Variants in HEPHL1 observed in about 807,000 individuals in gnomAD.
HEPHL1 encodes the protein hephaestin like 1.
Under a neutral mutation model 122.0 loss-of-function variants are expected in HEPHL1, and 123 were observed. The observed-to-expected ratio is 1.01, with a 90% CI of 0.87 to 1.17. The LOEUF (loss-of-function observed/expected upper bound fraction) is 1.17, where lower values mean the gene tolerates loss of function less well. HEPHL1 is among the 50% of genes most tolerant of loss of function. The pLI is 0.00. For synonymous variants in HEPHL1, 527 were observed against 508.9 expected, an observed-to-expected ratio of 1.04 and a Z score of -0.48; for missense variants, 1,452 against 1,430.5, an observed-to-expected ratio of 1.01 and a Z score of -0.24.
At chr11:94,080,578 A>G (rs990051586) in intron 9 of HEPHL1, among the ~76,000 whole-genome samples, 3 of 152,210 alleles carry the variant, frequency 2.0e-5, no homozygotes, top group African/African-American at 7.2e-5. Flanking sequence ...CAGAATCTAC[A>G]AGGAACTTAA....
At chr11:94,072,149 C>T (rs747431698) in intron 6 of HEPHL1, among the ~76,000 whole-genome samples, 5 of 152,146 alleles carry the variant, frequency 3.3e-5, no homozygotes, top group South Asian at 2.1e-4. Context: ...TTTGTAATCA[C>T]GGTCTTGGCC....
chr11:94,060,151 C>T (rs1025650043), intron 2 of HEPHL1, among the ~76,000 whole-genome samples: 7 of 112,748 alleles, frequency 6.2e-5, no homozygotes, highest in African/African-American at 2.5e-4. Context: ...TATATATATA[C>T]ACGCACTGGG....
intron 15 of HEPHL1, 62 bp downstream of exon 15, chr11:94,103,082 T>A: frequency 1.1e-6 from 1 of 944,708 alleles, no homozygotes. Context: ...ACTACTTGGG[T>A]CATCACAATT....
chr11:94,030,970 C>A (rs967594542), intron 1 of HEPHL1, among the ~76,000 whole-genome samples: 1 of 152,194 alleles, frequency 6.6e-6, no homozygotes, highest in African/African-American at 2.4e-5. Flanking sequence ...AGATGCCATG[C>A]TCTCTGCTCC....
chr11:94,032,659 G>C (rs1945685979), intron 1 of HEPHL1, among the ~76,000 whole-genome samples: 7 of 152,088 alleles, frequency 4.6e-5, no homozygotes, highest in Admixed American at 4.6e-4. Context: ...CGCCTGACCA[G>C]GAATGTCAGG....
At position 94,093,642 on chromosome 11, in the gene HEPHL1, T is replaced by A; in HGVS notation, c.2434+2T>A. On this transcript the variant is annotated splice_donor_variant, in intron 13 of 19. Coordinates refer to ENST00000315765, the MANE Select transcript of HEPHL1 (RefSeq NM_001098672.2). LOFTEE classifies it high-confidence loss of function. ...GAGAGGAGCACTTAGAACTCCTGGG[T>A]ATGGCACAGATTTCAGGCGTGCACT... 6.2e-7 allele frequency: 1 copy of A among 1,611,964 alleles called. No individual in the cohort carries two copies. The highest frequency in any genetic ancestry group is 8.5e-7 in the Non-Finnish European group (1 of 1,179,348).
chr11:94,070,289 A>G, intron 5 of HEPHL1, 85 bp from the exon 6 acceptor site: 1 of 1,371,364 alleles, frequency 7.3e-7, no homozygotes, highest in South Asian at 1.6e-5. Flanking sequence ...CTAAATGTTC[A>G]AGAGCCAAAT....
Position 94,088,808 on chromosome 11 carries a change from C to A in HEPHL1, c.2134C>A (p.Gln712Lys). 6.2e-7 allele frequency: 1 copy of A among 1,613,896 alleles called. No individual in the cohort carries two copies. Among genetic ancestry groups the A allele is most frequent in the Admixed American group, 1.7e-5 (1 of 60,010 alleles). ...TMPHLSRGMG[Q>K]IYEVSSCDNR... is the part of the protein sequence containing the mutation. ...GCCCCACCTCTCGAGAGGCATGGGTCAGATCTATGAGGTCAGCAGCTGTGA... is the reference window on the plus strand; with the variant it reads ...GCCCCACCTCTCGAGAGGCATGGGTAAGATCTATGAGGTCAGCAGCTGTGA... Residue 712 changes from glutamine to lysine, a missense_variant, in exon 12 of 20, where the codon CAG becomes AAG. Transcript: ENST00000315765.
intron 5 of HEPHL1, among the ~76,000 whole-genome samples, chr11:94,068,594 G>T (rs1946052571): frequency 1.3e-5 from 2 of 152,110 alleles, no homozygotes; most frequent in Admixed American, 6.6e-5. Context: ...GGCTCATCAG[G>T]CCCCTTAGCA....
chr11:94,085,850 A>T, intron 10 of HEPHL1, 127 bp from the exon 11 acceptor site: 1 of 651,466 alleles, frequency 1.5e-6, no homozygotes, highest in Non-Finnish European at 2.7e-6. Flanking sequence ...TGGATTCACC[A>T]TGTGGCTTTT....
intron 1 of HEPHL1, among the ~76,000 whole-genome samples, chr11:94,029,971 A>C (rs758952495): frequency 6.6e-6 from 1 of 152,156 alleles, no homozygotes; most frequent in Non-Finnish European, 1.5e-5. Context: ...GCAGGAGTAC[A>C]TATGTGAAGA....
At chr11:94,052,894 A>C (rs907781350) in intron 2 of HEPHL1, among the ~76,000 whole-genome samples, 2 of 152,086 alleles carry the variant, frequency 1.3e-5, no homozygotes, top group African/African-American at 4.8e-5. Flanking sequence ...TTTTGTTAAG[A>C]ATTTTTGTGT....
chr11:94,052,579 C>T (rs1464811861), intron 2 of HEPHL1, among the ~76,000 whole-genome samples: 2 of 151,630 alleles, frequency 1.3e-5, no homozygotes, highest in Non-Finnish European at 2.9e-5. Context: ...CTGACTTTTT[C>T]CTTTCCAGTT....
intron 4 of HEPHL1, among the ~76,000 whole-genome samples, chr11:94,066,163 C>A (rs910102204): frequency 2.0e-5 from 3 of 152,204 alleles, no homozygotes; most frequent in Non-Finnish European, 2.9e-5. Context: ...CACTGCACCC[C>A]AGCCTGGGTG....
chr11:94,112,208 A>C lies in HEPHL1; in HGVS notation c.*314A>C. On this transcript the variant is annotated 3_prime_UTR_variant, in exon 20 of 20. Transcript: ENST00000315765. ...ACTCTGAAAGATATCTTTATATTCC[A>C]TCTTTTATAATTCTTGAACAGTGCT... 1 of 205,968 alleles carries C rather than the reference A, an allele frequency of 4.9e-6. No individual in the cohort carries two copies. The highest frequency in any genetic ancestry group is 1.1e-4 in the East Asian group (1 of 9,340). The allele number at this position is 205,968 out of a possible 1,614,324, so 12.8% of individuals were successfully genotyped here. A position where few individuals can be genotyped will look rare whatever the true frequency, so the allele number is the denominator to read the frequency against.
chr11:94,021,549 T>TTAG lies in HEPHL1; in HGVS notation c.170+12_170+14dup, dbSNP rs748113877. The stretch of plus-strand genomic sequence containing the variant: ...TTTCACAGAAGACAAGTGAGTGAAC[T>TTAG]TAGGGTCCTCATTGACTCCCAGGTT... On this transcript the variant is annotated intron_variant, in intron 1 of 19. Coordinates refer to ENST00000315765, the MANE Select transcript of HEPHL1 (RefSeq NM_001098672.2). The TTAG allele has an allele frequency of 6.3e-7, 1 of 1,587,846 alleles. No individual in the cohort carries two copies. The highest frequency in any genetic ancestry group is 8.6e-7 in the Non-Finnish European group (1 of 1,165,678).
intron 2 of HEPHL1, among the ~76,000 whole-genome samples, chr11:94,059,488 C>G (rs765842065): frequency 6.6e-5 from 10 of 151,938 alleles, no homozygotes; most frequent in Non-Finnish European, 1.3e-4. Context: ...CTCCCATGAC[C>G]CCATCAATCC....
At chr11:94,098,005 A>G (rs140299855) in intron 13 of HEPHL1, among the ~76,000 whole-genome samples, 1,876 of 152,176 alleles carry the variant, frequency 0.012, 29 homozygotes, top group African/African-American at 0.042. Context: ...GGAACATTTC[A>G]CCCATTTACA....
At chr11:94,087,367 C>G (rs1946226608) in intron 11 of HEPHL1, among the ~76,000 whole-genome samples, 1 of 152,134 alleles carries the variant, frequency 6.6e-6, no homozygotes, top group Admixed American at 6.5e-5. Flanking sequence ...GTGTCCTATA[C>G]ATTTCTAAAG....
Sources: allele counts gnomAD v4.1 joint callset (sites outside exome capture counted in the v4.1 genomes callset), GRCh38; gene constraint gnomAD v4.1.1; transcripts MANE v1.5; gene names NCBI Gene and HGNC (gene_info 2026-07-23, HGNC 2026-07-21).